RBFOX1: variants seen among roughly 807,000 people sequenced by gnomAD.
RBFOX1 encodes RNA binding fox-1 homolog 1.
RBFOX1 carries 8 observed loss-of-function variants against 57.7 expected under a neutral mutation model. The observed-to-expected ratio is 0.14, with a 90% CI of 0.08 to 0.25. The LOEUF (loss-of-function observed/expected upper bound fraction) is 0.25, where lower values mean the gene tolerates loss of function less well. Among genes scored for constraint, RBFOX1 ranks in the 10% least tolerant of loss-of-function variants. The pLI, the probability that RBFOX1 is intolerant of heterozygous loss-of-function variation, is 1.00. For missense variants in RBFOX1, 611 were observed against 548.5 expected (o/e 1.11, Z -1.14); for synonymous variants, 326 against 222.4 (o/e 1.47, Z -4.15).
At chr16:5,912,324 C>T (rs535907799) in intron 4 of RBFOX1, among the ~76,000 whole-genome samples, 9 of 152,254 alleles carry the variant, frequency 5.9e-5, no homozygotes, top group East Asian at 3.9e-4. Context: ...AAATGTTAGC[C>T]GTTGTTTTCC....
At chr16:7,290,904 G>A (rs77305973) in intron 4 of RBFOX1, among the ~76,000 whole-genome samples, 3,559 of 152,254 alleles carry the variant, frequency 0.023, 111 homozygotes, top group East Asian at 0.13. Flanking sequence ...CCCCTGTGAA[G>A]AATAAACAGA....
At chr16:6,800,249 G>C (rs1170066570) in intron 3 of RBFOX1, among the ~76,000 whole-genome samples, 3 of 145,870 alleles carry the variant, frequency 2.1e-5, no homozygotes, top group Non-Finnish European at 4.4e-5. Flanking sequence ...GACTGTCCCA[G>C]TTTTAGCACT....
chr16:6,930,042 C>A (rs1023890142), intron 3 of RBFOX1, among the ~76,000 whole-genome samples: 4 of 152,146 alleles, frequency 2.6e-5, no homozygotes, highest in African/African-American at 7.2e-5. Flanking sequence ...CCTTGCTTAT[C>A]CCCTCTCTCC....
intron 3 of RBFOX1, among the ~76,000 whole-genome samples, chr16:7,049,621 G>A (rs2049269129): frequency 6.6e-6 from 1 of 152,076 alleles, no homozygotes; most frequent in East Asian, 1.9e-4. Context: ...ACACTAAGGG[G>A]TATTGGTGGT....
intron 5 of RBFOX1, among the ~76,000 whole-genome samples, chr16:7,562,025 A>T (rs1365422860): frequency 6.6e-6 from 1 of 152,176 alleles, no homozygotes; most frequent in Non-Finnish European, 1.5e-5. Context: ...TGAGGAAAAA[A>T]AAAATACTGC....
At chr16:6,385,803 G>T (rs1567167963) in intron 2 of RBFOX1, among the ~76,000 whole-genome samples, 1 of 152,186 alleles carries the variant, frequency 6.6e-6, no homozygotes, top group Non-Finnish European at 1.5e-5. Context: ...CCCTTGCTGT[G>T]AATTATCAGA....
chr16:7,340,018 C>T (rs1322057587), intron 4 of RBFOX1, among the ~76,000 whole-genome samples: 1 of 152,192 alleles, frequency 6.6e-6, no homozygotes, highest in Non-Finnish European at 1.5e-5. Context: ...CCAACTATTC[C>T]AGCAAGAATT....
intron 4 of RBFOX1, among the ~76,000 whole-genome samples, chr16:7,102,352 C>G (rs2062840689): frequency 6.6e-6 from 1 of 152,208 alleles, no homozygotes; most frequent in African/African-American, 2.4e-5. Flanking sequence ...GAGCCTAAGT[C>G]TTACTGAGAG....
chr16:7,216,301 C>G (rs76672022), intron 4 of RBFOX1, among the ~76,000 whole-genome samples: 48,750 of 151,964 alleles, frequency 0.32, 8,607 homozygotes, highest in East Asian at 0.66. Flanking sequence ...AGAAATCCAG[C>G]TAGTCTTTTG....
intron 1 of RBFOX1, among the ~76,000 whole-genome samples, chr16:6,060,478 A>G (rs1596828883): frequency 6.6e-6 from 1 of 152,058 alleles, no homozygotes; most frequent in African/African-American, 2.4e-5. Context: ...ACCTTATGAG[A>G]CCTGCTCTCC....
At chr16:5,608,708 G>T (rs1237879350) in intron 3 of RBFOX1, among the ~76,000 whole-genome samples, 1 of 152,222 alleles carries the variant, frequency 6.6e-6, no homozygotes, top group East Asian at 1.9e-4. Flanking sequence ...TGTAATAGTT[G>T]TAGGGCTAAC....
At chr16:5,471,758 T>A (rs915453056) in intron 2 of RBFOX1, among the ~76,000 whole-genome samples, 1 of 152,158 alleles carries the variant, frequency 6.6e-6, no homozygotes, top group Admixed American at 6.5e-5. Flanking sequence ...CTGACCTTTT[T>A]AAATGGATAA....
At chr16:5,305,571 T>G (rs4786021) in intron 1 of RBFOX1, among the ~76,000 whole-genome samples, 104,852 of 152,054 alleles carry the variant, frequency 0.69, 36,242 homozygotes, top group Admixed American at 0.76. Flanking sequence ...AGATTTTATC[T>G]AATCTTCTCC....
chr16:5,248,587 C>A (rs2151072437), intron 1 of RBFOX1, among the ~76,000 whole-genome samples: 1 of 152,274 alleles, frequency 6.6e-6, no homozygotes, highest in South Asian at 2.1e-4. Flanking sequence ...GGGGCAGGAG[C>A]CAGGGCCGTG....
intron 1 of RBFOX1, among the ~76,000 whole-genome samples, chr16:6,099,132 A>G (rs557747609): frequency 6.6e-6 from 1 of 152,240 alleles, no homozygotes; most frequent in East Asian, 1.9e-4. Context: ...GTCGAACCCG[A>G]TTTGCTTTCT....
At chr16:7,234,633 T>C (rs927603164) in intron 4 of RBFOX1, among the ~76,000 whole-genome samples, 4 of 149,672 alleles carry the variant, frequency 2.7e-5, no homozygotes, top group African/African-American at 9.9e-5. Flanking sequence ...TATGTGCTTG[T>C]GTATATGTGT....
intron 1 of RBFOX1, among the ~76,000 whole-genome samples, chr16:6,035,500 C>T (rs182776567): frequency 6.6e-6 from 1 of 151,376 alleles, no homozygotes; most frequent in Non-Finnish European, 1.5e-5. Flanking sequence ...TGAAAAATTG[C>T]CTGGTAAAGT....
At chr16:6,058,115 A>G (rs928050706) in intron 1 of RBFOX1, among the ~76,000 whole-genome samples, 40 of 152,296 alleles carry the variant, frequency 2.6e-4, no homozygotes, top group African/African-American at 9.4e-4. Flanking sequence ...TATTTGAAGT[A>G]GAGTTTTTGA....
At chr16:5,908,701 A>C (rs1039286643) in intron 4 of RBFOX1, among the ~76,000 whole-genome samples, 1 of 152,062 alleles carries the variant, frequency 6.6e-6, no homozygotes, top group Non-Finnish European at 1.5e-5. Flanking sequence ...CTTAGTTTCA[A>C]TTCGATGCAT....
Sources: allele counts gnomAD v4.1 joint callset (sites outside exome capture counted in the v4.1 genomes callset), GRCh38; gene constraint gnomAD v4.1.1; transcripts MANE v1.5; gene names NCBI Gene and HGNC (gene_info 2026-07-23, HGNC 2026-07-21).